Variants in SGIP1 observed in about 807,000 individuals in gnomAD.
SGIP1 encodes the protein SH3-containing GRB2-like protein 3-interacting protein 1.
In SGIP1, 38 loss-of-function variants were observed where a neutral mutation model predicts 107.5. That is an observed-to-expected ratio of 0.35 (90% CI 0.27 to 0.46). The LOEUF (loss-of-function observed/expected upper bound fraction) is 0.46. Ranked by LOEUF, SGIP1 falls within the 20% of genes least tolerant of loss-of-function variation. SGIP1 has a pLI of 1.00. For missense variants in SGIP1, 929 were observed against 1,019.5 expected (o/e 0.91, Z 1.21); for synonymous variants, 365 against 366.1 (o/e 1.00, Z 0.03).
intron 14 of SGIP1, among the ~76,000 whole-genome samples, chr1:66,680,047 G>A (rs1028133511): frequency 6.6e-6 from 1 of 152,138 alleles, no homozygotes; most frequent in African/African-American, 2.4e-5. Flanking sequence ...AAAATTCATT[G>A]TTTAATTAAC....
intron 14 of SGIP1, among the ~76,000 whole-genome samples, 192 bp from the exon 15 acceptor site, chr1:66,681,677 G>A (rs1383523464): frequency 6.6e-6 from 1 of 151,336 alleles, no homozygotes; most frequent in African/African-American, 2.5e-5. Flanking sequence ...AAAATATGAT[G>A]CTCACTTTGT....
intron 1 of SGIP1, among the ~76,000 whole-genome samples, chr1:66,559,339 G>A (rs1436773148): frequency 6.6e-6 from 1 of 151,970 alleles, no homozygotes; most frequent in African/African-American, 2.4e-5. Flanking sequence ...GTTTTATCCT[G>A]ACTTATGGAG....
At chr1:66,697,213 T>C (rs2091091221) in intron 18 of SGIP1, among the ~76,000 whole-genome samples, 1 of 152,218 alleles carries the variant, frequency 6.6e-6, no homozygotes, top group African/African-American at 2.4e-5. Flanking sequence ...AAGACATCTT[T>C]GGTTGTCTGT....
chr1:66,557,089 G>A (rs2058291930), intron 1 of SGIP1, among the ~76,000 whole-genome samples: 1 of 152,118 alleles, frequency 6.6e-6, no homozygotes, highest in Non-Finnish European at 1.5e-5. Context: ...ACTTAGGGAT[G>A]CAGAGGTTTA....
chr1:66,669,154 A>G (rs1006214843), intron 9 of SGIP1, among the ~76,000 whole-genome samples: 2 of 152,340 alleles, frequency 1.3e-5, no homozygotes, highest in South Asian at 2.1e-4. Flanking sequence ...TATTTCTGCC[A>G]TGTTTTGGTT....
intron 18 of SGIP1, among the ~76,000 whole-genome samples, chr1:66,701,239 C>T (rs1394865429): frequency 2.6e-5 from 4 of 152,116 alleles, no homozygotes; most frequent in African/African-American, 7.2e-5. Context: ...GAAGATATGA[C>T]CAATTTTCTG....
chr1:66,660,241 G>C (rs1183738801), intron 7 of SGIP1: 1 of 377,280 alleles, frequency 2.7e-6, no homozygotes, highest in Non-Finnish European at 4.5e-6. Flanking sequence ...GGGAGGGAGG[G>C]AGGGAGGGAG....
rs2086892301 is a variant in SGIP1, at chr1:66,682,235, T to C, written c.1181T>C (p.Leu394Ser). ...CAGACCTTCATTAAAGATGATTACT[T>C]AGAAACAATCTCATCTCCTAAAGAT... ...AEQTFIKDDY[L>S]ETISSPKDFG... The change falls in exon 15 of 25, where the codon TTA becomes TCA. Residue 394 changes from leucine (L) to serine (S), a missense_variant. Physicochemically the swap from Leu to Ser is moderately radical, Grantham distance 145 (BLOSUM62 -2). Coordinates refer to ENST00000371037, the MANE Select transcript of SGIP1 (RefSeq NM_032291.4). 1 of 1,614,186 alleles carries C rather than the reference T, an allele frequency of 6.2e-7. No homozygotes were observed. Among genetic ancestry groups the C allele is most frequent in the East Asian group, 2.2e-5 (1 of 44,874 alleles).
intron 18 of SGIP1, among the ~76,000 whole-genome samples, chr1:66,710,238 A>G (rs2092821069): frequency 6.6e-6 from 1 of 152,172 alleles, no homozygotes; most frequent in Admixed American, 6.6e-5. Flanking sequence ...CTCTCATGAT[A>G]CAGTTCTTTC....
At chr1:66,600,719 G>T (rs1281574390) in intron 1 of SGIP1, among the ~76,000 whole-genome samples, 1 of 152,146 alleles carries the variant, frequency 6.6e-6, no homozygotes, top group Non-Finnish European at 1.5e-5. Context: ...GGTAGATTAG[G>T]TCATGATAAT....
intron 1 of SGIP1, among the ~76,000 whole-genome samples, chr1:66,591,933 A>G (rs2148891602): frequency 6.6e-6 from 1 of 152,330 alleles, no homozygotes. Context: ...ATTTTAGTGC[A>G]GTAAAGAGCA....
At chr1:66,643,779 C>T in intron 7 of SGIP1, 60 bp downstream of exon 7, 6 of 1,447,228 alleles carry the variant, frequency 4.1e-6, no homozygotes, top group Non-Finnish European at 4.6e-6. Flanking sequence ...TATGTTCTGC[C>T]TATATGCATT....
At chr1:66,733,943 C>T (rs1313251390) in intron 21 of SGIP1, 63 bp downstream of exon 21, 45 of 1,508,038 alleles carry the variant, frequency 3.0e-5, no homozygotes, top group Non-Finnish European at 3.7e-5. Context: ...AAAGTACCTA[C>T]TATTGAATAA....
chr1:66,707,735 G>A (rs1165004406), intron 18 of SGIP1, among the ~76,000 whole-genome samples: 2 of 152,126 alleles, frequency 1.3e-5, no homozygotes, highest in Admixed American at 6.5e-5. Flanking sequence ...TTGATGAGTT[G>A]TCCAGGGGCA....
chr1:66,706,680 A>C (rs965923117), intron 18 of SGIP1, among the ~76,000 whole-genome samples: 1 of 151,910 alleles, frequency 6.6e-6, no homozygotes, highest in Non-Finnish European at 1.5e-5. Context: ...AACTTGGAAA[A>C]ACAGAAAGGT....
chr1:66,586,345 A>G (rs1347181920), intron 1 of SGIP1, among the ~76,000 whole-genome samples: 1 of 152,124 alleles, frequency 6.6e-6, no homozygotes, highest in African/African-American at 2.4e-5. Context: ...ACTTAATATA[A>G]CTGATTAGAG....
At chr1:66,739,310 A>T in intron 21 of SGIP1, 25 bp from the exon 22 acceptor site, 1 of 1,610,966 alleles carries the variant, frequency 6.2e-7, no homozygotes, top group Non-Finnish European at 8.5e-7. Flanking sequence ...ATATGTTGTT[A>T]TTTTCTTTCC....
intron 1 of SGIP1, among the ~76,000 whole-genome samples, chr1:66,534,668 G>A (rs964092793): frequency 1.3e-5 from 2 of 152,138 alleles, no homozygotes; most frequent in African/African-American, 4.8e-5. Flanking sequence ...AAATAAGTTG[G>A]GCGAGAAGAT....
At chr1:66,610,878 C>T (rs2067853696) in intron 1 of SGIP1, among the ~76,000 whole-genome samples, 1 of 151,890 alleles carries the variant, frequency 6.6e-6, no homozygotes, top group African/African-American at 2.4e-5. Flanking sequence ...TAAAGTAACT[C>T]AGGAATGGAA....
Sources: gnomAD v4.1 joint callset for allele counts (sites outside exome capture counted in the v4.1 genomes callset) on GRCh38, gnomAD v4.1.1 for gene constraint, MANE v1.5 for transcripts, NCBI Gene and HGNC (gene_info 2026-07-23, HGNC 2026-07-21) for gene names.